PKD1: variants seen among roughly 807,000 people sequenced by gnomAD.
PKD1 encodes polycystin-1.
In PKD1, 81 loss-of-function variants were observed where a neutral mutation model predicts 361.7. The ratio of observed to expected loss-of-function variants is 0.22; its 90% CI spans 0.19 to 0.27. The LOEUF (loss-of-function observed/expected upper bound fraction) is 0.27, where lower values mean the gene tolerates loss of function less well. PKD1 is among the 10% of genes least tolerant of loss of function. PKD1 has a pLI of 1.00. For missense variants in PKD1, 6,399 were observed against 6,118.3 expected, an observed-to-expected ratio of 1.05 and a Z score of -1.53; for synonymous variants, 3,615 against 2,818.3, an observed-to-expected ratio of 1.28 and a Z score of -8.95.
Position 2,102,276 on chromosome 16 carries a change from G to A in PKD1, c.9202-20C>T, listed in dbSNP as rs1447150679. ...CGGCTCCTGTGAGGACACAGCCGCCGGGCCCAGGAGGTCACGTGCAAGCTG... is the reference window on the plus strand; with the variant it reads ...CGGCTCCTGTGAGGACACAGCCGCCAGGCCCAGGAGGTCACGTGCAAGCTG... On this transcript the variant is annotated intron_variant, in intron 25 of 45. Coordinates refer to ENST00000262304, the MANE Select transcript of PKD1 (RefSeq NM_001009944.3). 83 of 1,475,904 alleles carry A rather than the reference G, an allele frequency of 5.6e-5. No individual in the cohort carries two copies. The highest frequency in any genetic ancestry group is 1.4e-4 in the East Asian group (6 of 42,406). 91.4% of individuals were successfully genotyped at this position (1,475,904 alleles called of 1,614,324 possible).
At chr16:2,121,612 G>A (rs1245726237) in intron 1 of PKD1, among the ~76,000 whole-genome samples, 2 of 152,050 alleles carry the variant, frequency 1.3e-5, no homozygotes, top group South Asian at 2.1e-4. Context: ...CTGGTGATGC[G>A]GAGGTGAGTA....
rs1321453500 is a variant in PKD1, at chr16:2,109,298, T to A, written c.5869A>T (p.Ser1957Cys). Reference protein sequence around the residue: ...VVSVRGKNHVSWAQAQVRIVV... With the variant: ...VVSVRGKNHVCWAQAQVRIVV... ...ATGCGCACCTGCGCCTGGGCCCAGC[T>A]CACGTGGTTTTTGCCCCGCACGCTC... Residue 1957 changes from serine (S) to cysteine (C), a missense_variant, in exon 15 of 46, where the codon AGC becomes TGC. Physicochemically the swap from Ser to Cys is moderately radical, Grantham distance 112 (BLOSUM62 -1). Coordinates refer to ENST00000262304, the MANE Select transcript of PKD1 (RefSeq NM_001009944.3). 6.3e-7 allele frequency: 1 copy of A among 1,584,782 alleles called. No individual in the cohort carries two copies. The highest frequency in any genetic ancestry group is 1.7e-5 in the Admixed American group (1 of 59,414).
In PKD1 at chr16:2,119,972, G is replaced by A. The variant is rs1295683887; in HGVS notation, c.216-594C>T. On this transcript the variant is annotated intron_variant, in intron 1 of 45. Transcript: ENST00000262304. Reference sequence around the variant, plus strand: ...CACACGCCGGTAACACAGCACCGTGGGAGCTGAGACGGAAGGATCGCCTGG... The same window carrying A: ...CACACGCCGGTAACACAGCACCGTGAGAGCTGAGACGGAAGGATCGCCTGG... 3 of 600,354 alleles carry A rather than the reference G, an allele frequency of 5.0e-6. No homozygotes were observed. The African/African-American group carries it at 5.6e-5, about 11-fold the overall frequency. The allele number at this position is 600,354 out of a possible 1,614,324, so 37.2% of individuals were successfully genotyped here.
chr16:2,104,592 G>C lies in PKD1; in HGVS notation c.8067C>G (p.His2689Gln), dbSNP rs1482524413. ...VCRSCLKQTLHKLEAMMLILQ... is the reference protein window; with the variant it reads ...VCRSCLKQTLQKLEAMMLILQ... ...GGATGAGCATCATGGCCTCCAGCTT[G>C]TGCAGCGTCTGCTTCAGGCACGAGC... Residue 2689 changes from histidine to glutamine, a missense_variant, in exon 22 of 46, where the codon CAC (histidine) becomes CAG (glutamine). Transcript: ENST00000262304. 5 of 1,597,864 alleles carry C rather than the reference G, an allele frequency of 3.1e-6. No homozygotes were observed. The highest frequency in any genetic ancestry group is 4.5e-5 in the East Asian group (2 of 44,422).
Position 2,110,390 on chromosome 16 carries a change from C to T in PKD1, c.4777G>A (p.Gly1593Arg). The T allele has an allele frequency of 6.2e-7, 1 of 1,612,640 alleles. No homozygotes were observed. The highest frequency in any genetic ancestry group is 8.5e-7 in the Non-Finnish European group (1 of 1,179,844). ...AAGGTGTAAGAGATGGTAGGACCCC[C>T]AGGGATGGGCGTGCAGCGGTCACAG... ...VLCDRCTPIP[G>R]GPTISYTFRS... The change falls in exon 15 of 46, where the codon GGG (glycine) becomes AGG (arginine). Residue 1593 changes from glycine to arginine, a missense_variant. Coordinates refer to ENST00000262304, the MANE Select transcript of PKD1 (RefSeq NM_001009944.3).
chr16:2,102,152 A>G lies in PKD1; in HGVS notation c.9306T>C (p.Asp3102=). Residue 3102 remains aspartate, a synonymous_variant, in exon 26 of 46, where the codon GAT becomes GAC. Coordinates refer to ENST00000262304, the MANE Select transcript of PKD1 (RefSeq NM_001009944.3). The part of the protein sequence containing the change: ...AAILHKLDQL[D]ASRGRAIPFC... The stretch of plus-strand genomic sequence containing the variant: ...AAGGGATGGCGCGGCCCCGGCTGGC[A>G]TCCAACTGGTCCAGCTTGTGCAGGA... 6.4e-7 allele frequency: 1 copy of G among 1,565,286 alleles called. No homozygotes were observed. The highest frequency in any genetic ancestry group is 8.7e-7 in the Non-Finnish European group (1 of 1,145,934).
intron 34 of PKD1, among the ~76,000 whole-genome samples, chr16:2,094,509 CAG>C (rs561391980): frequency 1.6e-4 from 25 of 152,222 alleles, no homozygotes; most frequent in Non-Finnish European, 3.5e-4. Flanking sequence ...CACAGTCTCT[CAG>C]GGTGCAATGA....
Position 2,121,469 on chromosome 16 carries a change from G to A in PKD1, c.216-2091C>T, listed in dbSNP as rs149664140. 2.1e-3 allele frequency among the ~76,000 whole-genome samples: 323 copies of A among 152,232 alleles called. 1 individual carries two copies. Among genetic ancestry groups the A allele is most frequent in the African/African-American group, 7.5e-3 (312 of 41,552 alleles). ...AAAAAGAAAAACCAGGCAATTAGAA[G>A]AAGCACAATTGGTCACAGCCGTAGG... On this transcript the variant is annotated intron_variant, in intron 1 of 45. Transcript: ENST00000262304.
intron 41 of PKD1, 30 bp downstream of exon 41, chr16:2,091,751 C>G (rs757938764): frequency 6.8e-6 from 11 of 1,607,952 alleles, no homozygotes; most frequent in African/African-American, 1.3e-5. Context: ...CTGCGGCCAC[C>G]CCGGAGAGGG....
chr16:2,093,974 C>A lies in PKD1; in HGVS notation c.10658G>T (p.Trp3553Leu), dbSNP rs1321748065. 6.3e-7 allele frequency: 1 copy of A among 1,587,428 alleles called. No individual in the cohort carries two copies. The highest frequency in any genetic ancestry group is 2.3e-5 in the East Asian group (1 of 43,958). The change falls in exon 36 of 46, where the codon TGG becomes TTG. Residue 3553 changes from tryptophan (W) to leucine (L), a missense_variant. Trp to Leu is a moderately conservative substitution (Grantham distance 61). Coordinates refer to ENST00000262304, the MANE Select transcript of PKD1 (RefSeq NM_001009944.3). The part of the protein sequence containing the change: ...EGLRKRLLPA[W>L]CASLAHGLSL... The stretch of plus-strand genomic sequence containing the variant: ...GAGCCCGTGGGCCAGGGAGGCACAC[C>A]AGGCCGGCAGCAGGCGCTTCCGCAG...
intron 45 of PKD1, 42 bp from the exon 46 acceptor site, chr16:2,090,236 G>A (rs748415200): frequency 3.1e-6 from 5 of 1,609,224 alleles, no homozygotes; most frequent in East Asian, 4.5e-5. Context: ...GCTGCACCCT[G>A]GGCAGAGCCC....
chr16:2,128,752 T>A (rs1031546651), intron 1 of PKD1, among the ~76,000 whole-genome samples: 1 of 152,150 alleles, frequency 6.6e-6, no homozygotes, highest in Non-Finnish European at 1.5e-5. Context: ...TCTCCCAGGC[T>A]GGAGTGCAAT....
At chr16:2,104,776 A>G in intron 21 of PKD1, 134 bp from the exon 22 acceptor site, 1 of 788,628 alleles carries the variant, frequency 1.3e-6, no homozygotes, top group South Asian at 1.5e-5. Flanking sequence ...GGACCCCCAC[A>G]GCCTCCTCAC....
Position 2,106,713 on chromosome 16 carries a change from T to A in PKD1, c.7210-36A>T, listed in dbSNP as rs773681403. 8.3e-6 allele frequency: 13 copies of A among 1,560,140 alleles called. No homozygotes were observed. The highest frequency in any genetic ancestry group is 6.8e-5 in the East Asian group (3 of 44,130). On this transcript the variant is annotated intron_variant, in intron 17 of 45. Transcript: ENST00000262304. This position sits in a 1 kb window ranked among gnomAD's most constrained non-coding sequence, Gnocchi z 6.5. ...AAGGGGTGGTGAGGGGGCGCAACCC[T>A]CTGCCCTGTCAGCCCCACTTCTGCC...
Position 2,106,586 on chromosome 16 carries a change from C to T in PKD1, c.7301G>A (p.Arg2434Gln), listed in dbSNP as rs1378061755. 6 of 1,597,718 alleles carry T rather than the reference C, an allele frequency of 3.8e-6. No homozygotes were observed. The highest frequency in any genetic ancestry group is 2.2e-5 in the East Asian group (1 of 44,838). ...CTCGCCGTCCCGCAGCACGCCCCGC[C>T]GCAGCACCAGTCGCATGCCTGCACT... is the stretch of plus-strand genomic sequence containing the variant. ...TGSAGMRLVL[R>Q]RGVLRDGEGY... The change falls in exon 18 of 46, where the codon CGG becomes CAG. Residue 2434 changes from arginine (R) to glutamine (Q), a missense_variant. Physicochemically the swap from Arg to Gln is conservative, Grantham distance 43. Coordinates refer to ENST00000262304, the MANE Select transcript of PKD1 (RefSeq NM_001009944.3). This position sits in a 1 kb window ranked among gnomAD's most constrained non-coding sequence, Gnocchi z 6.5.
At chr16:2,112,584 C>T in intron 13 of PKD1, 111 bp from the exon 14 acceptor site, 5 of 1,067,666 alleles carry the variant, frequency 4.7e-6, no homozygotes, top group Non-Finnish European at 6.8e-6. Context: ...CGCCCCGGGC[C>T]TCCATTCAGG....
At position 2,092,472 on chromosome 16, in the gene PKD1, C is replaced by G. The variant is rs571018276; in HGVS notation, c.11269+8G>C. The G allele has an allele frequency of 4.7e-5, 74 of 1,575,496 alleles. No individual in the cohort carries two copies. In the Admixed American group the frequency reaches 7.3e-4, roughly 16 times the overall value. On this transcript the variant is annotated splice_region_variant and intron_variant, in intron 39 of 45. Coordinates refer to ENST00000262304, the MANE Select transcript of PKD1 (RefSeq NM_001009944.3). ...ATTTAAGTCTTGGGGCACGCCCTGC[C>G]AGCTCACCTTCCTGCAGCCGCACCT...
chr16:2,096,259 C>A lies in PKD1; in HGVS notation c.10499+889G>T, dbSNP rs566767681. 3.3e-5 allele frequency among the ~76,000 whole-genome samples: 5 copies of A among 152,372 alleles called. No individual in the cohort carries two copies. The East Asian group carries it at 9.6e-4, about 29-fold the overall frequency. On this transcript the variant is annotated intron_variant, in intron 34 of 45. Transcript: ENST00000262304. ...GCAGGCCCTGTGGTGTGGCCTGTGG[C>A]TCCGGGGCACCGCACCTGCACTGCA...
At chr16:2,130,861 C>T (rs2092866666) in intron 1 of PKD1, among the ~76,000 whole-genome samples, 1 of 152,204 alleles carries the variant, frequency 6.6e-6, no homozygotes, top group Non-Finnish European at 1.5e-5. Context: ...AAGCACCTAC[C>T]AAGTCCCTCG....
Sources: allele counts gnomAD v4.1 joint callset (sites outside exome capture counted in the v4.1 genomes callset), GRCh38; gene constraint gnomAD v4.1.1; non-coding constraint Gnocchi (gnomAD v3.1); transcripts MANE v1.5; gene names NCBI Gene and HGNC (gene_info 2026-07-23, HGNC 2026-07-21).